CNTN6: variants seen among roughly 807,000 people sequenced by gnomAD.
The protein encoded by CNTN6 is contactin-6.
A neutral mutation model predicts 122.8 loss-of-function variants in CNTN6; 137 were observed. The ratio of observed to expected loss-of-function variants is 1.12; its 90% CI spans 0.97 to 1.29. CNTN6 has a LOEUF of 1.29. Ranked by LOEUF, CNTN6 falls within the 50% of genes most tolerant of loss-of-function variation. The pLI is 0.00. For synonymous variants in CNTN6, 570 were observed against 426.0 expected (o/e 1.34, Z -4.16); for missense variants, 1,634 against 1,223.4 (o/e 1.34, Z -5.01).
chr3:1,171,707 A>G (rs1265096619), intron 2 of CNTN6, among the ~76,000 whole-genome samples: 4 of 152,084 alleles, frequency 2.6e-5, no homozygotes, highest in Non-Finnish European at 5.9e-5. Flanking sequence ...CTTGTGCTCA[A>G]GTGAGCTTCC....
In CNTN6 at chr3:1,321,815, G is replaced by A. The variant is rs1223798503; in HGVS notation, c.927G>A (p.Lys309=). The change falls in exon 8 of 23, where the codon AAG becomes AAA. Residue 309 remains lysine (K), a synonymous_variant. Transcript: ENST00000446702. The part of the protein sequence containing the change: ...ASNLRGRNLA[K]GQLIFYAPPE... Reference sequence around the variant, plus strand: ...ACCTTCGAGGAAGAAACCTTGCAAAGGGTCAACTCATTTTTTATGGTGAGC... The same window carrying A: ...ACCTTCGAGGAAGAAACCTTGCAAAAGGTCAACTCATTTTTTATGGTGAGC... 1.9e-6 allele frequency: 3 copies of A among 1,604,130 alleles called. No individual in the cohort carries two copies. Among genetic ancestry groups the A allele is most frequent in the East Asian group, 4.5e-5 (2 of 44,480 alleles).
chr3:1,178,879 CT>C (rs1457428264), intron 2 of CNTN6, among the ~76,000 whole-genome samples: 3 of 152,136 alleles, frequency 2.0e-5, no homozygotes, highest in Non-Finnish European at 4.4e-5. Flanking sequence ...TCACTCCCAT[CT>C]TTAGGGTAAT....
At chr3:1,223,018 C>T (rs1244371907) in intron 3 of CNTN6, among the ~76,000 whole-genome samples, 2 of 152,262 alleles carry the variant, frequency 1.3e-5, no homozygotes, top group South Asian at 2.1e-4. Context: ...TTTCAGATAA[C>T]GTGCATTACC....
chr3:1,312,473 G>C (rs543511936), intron 7 of CNTN6, among the ~76,000 whole-genome samples: 5 of 151,896 alleles, frequency 3.3e-5, no homozygotes, highest in Non-Finnish European at 7.4e-5. Flanking sequence ...TTGGAACTGG[G>C]CTCAGGAAAA....
chr3:1,240,779 T>C (rs959903539), intron 4 of CNTN6, among the ~76,000 whole-genome samples: 3 of 152,028 alleles, frequency 2.0e-5, no homozygotes, highest in Admixed American at 6.6e-5. Context: ...ACAGACTTTG[T>C]GTGAGCAACA....
chr3:1,268,548 A>G (rs922987713), intron 4 of CNTN6, among the ~76,000 whole-genome samples: 7 of 144,064 alleles, frequency 4.9e-5, no homozygotes, highest in African/African-American at 1.1e-4. Flanking sequence ...AGGAGCTTGC[A>G]GTGAGCCGAG....
At chr3:1,156,893 T>A (rs930946858) in intron 2 of CNTN6, among the ~76,000 whole-genome samples, 2 of 152,082 alleles carry the variant, frequency 1.3e-5, no homozygotes, top group African/African-American at 2.4e-5. Context: ...AATTTTTTAT[T>A]TTTTGTAGAG....
At chr3:1,311,272 T>TAC (rs1699202146) in intron 7 of CNTN6, among the ~76,000 whole-genome samples, 2 of 146,596 alleles carry the variant, frequency 1.4e-5, no homozygotes, top group East Asian at 2.0e-4. Context: ...TGTGTATATA[T>TAC]ACATACATAT....
intron 4 of CNTN6, among the ~76,000 whole-genome samples, chr3:1,249,093 A>G (rs1281157990): frequency 6.6e-6 from 1 of 152,192 alleles, no homozygotes; most frequent in African/African-American, 2.4e-5. Flanking sequence ...CAGATATCAG[A>G]CGGTGGGTAG....
intron 4 of CNTN6, among the ~76,000 whole-genome samples, chr3:1,232,211 C>T (rs1290889046): frequency 6.6e-6 from 1 of 152,106 alleles, no homozygotes; most frequent in Non-Finnish European, 1.5e-5. Flanking sequence ...CTTTTTGATC[C>T]TACATTATTT....
At chr3:1,285,039 T>A (rs111509669) in intron 5 of CNTN6, among the ~76,000 whole-genome samples, 1 of 152,204 alleles carries the variant, frequency 6.6e-6, no homozygotes, top group Non-Finnish European at 1.5e-5. Flanking sequence ...TCTCTGACTT[T>A]CATTTGTAAA....
intron 1 of CNTN6, among the ~76,000 whole-genome samples, chr3:1,102,192 T>C (rs1333180100): frequency 5.9e-5 from 9 of 152,178 alleles, no homozygotes; most frequent in Non-Finnish European, 1.3e-4. Flanking sequence ...TCAAGGTTTA[T>C]TTGGTTTCCC....
At chr3:1,376,440 C>G (rs1420945439) in intron 16 of CNTN6, among the ~76,000 whole-genome samples, 6 of 151,998 alleles carry the variant, frequency 3.9e-5, no homozygotes, top group Non-Finnish European at 7.4e-5. Context: ...GGAGAAAAAC[C>G]TGACTTTGCA....
At chr3:1,100,420 C>T (rs542043122) in intron 1 of CNTN6, among the ~76,000 whole-genome samples, 4 of 152,140 alleles carry the variant, frequency 2.6e-5, no homozygotes, top group South Asian at 4.1e-4. Flanking sequence ...TCTTTTCACT[C>T]GGACAGATTT....
At chr3:1,119,284 A>G (rs2091855991) in intron 1 of CNTN6, among the ~76,000 whole-genome samples, 1 of 145,646 alleles carries the variant, frequency 6.9e-6, no homozygotes, top group Non-Finnish European at 1.5e-5. Context: ...TTAGAATATT[A>G]ATGTCTAGGA....
rs182319495 is a variant in CNTN6 at position 1,385,617 on chromosome 3, T to C, written c.2524T>C (p.Tyr842His). 45 of 1,612,752 alleles carry C rather than the reference T, an allele frequency of 2.8e-5. 1 individual carries two copies. In the Admixed American group the frequency reaches 5.9e-4, roughly 21 times the overall value. ...TTTGGTTTTTAATTATCAGGTCTTATACTGGACAGATGACTCCAAAGAATC... is the reference window on the plus strand; with the variant it reads ...TTTGGTTTTTAATTATCAGGTCTTACACTGGACAGATGACTCCAAAGAATC... ...TGRVLGYEVL[Y>H]WTDDSKESMI... The change falls in exon 20 of 23, where the codon TAC becomes CAC. Residue 842 changes from tyrosine to histidine, a missense_variant. By Grantham distance (83) the Tyr-to-His change is moderately conservative (BLOSUM62 2). Transcript: ENST00000446702.
At chr3:1,295,468 C>T in intron 5 of CNTN6, 133 bp from the exon 6 acceptor site, 1 of 648,990 alleles carries the variant, frequency 1.5e-6, no homozygotes, top group Non-Finnish European at 2.7e-6. Flanking sequence ...CAGATGACAG[C>T]TATCAACTGA....
chr3:1,239,211 TA>T (rs564700454), intron 4 of CNTN6, among the ~76,000 whole-genome samples: 5 of 152,060 alleles, frequency 3.3e-5, no homozygotes, highest in Non-Finnish European at 5.9e-5. Flanking sequence ...TCCAAATTGA[TA>T]AAAAAGAAGT....
At chr3:1,283,774 C>G (rs965890940) in intron 5 of CNTN6, among the ~76,000 whole-genome samples, 1 of 152,038 alleles carries the variant, frequency 6.6e-6, no homozygotes. Flanking sequence ...CCAAGGTGGG[C>G]AGATCACCTG....
Sources: gnomAD v4.1 joint callset for allele counts (sites outside exome capture counted in the v4.1 genomes callset) on GRCh38, gnomAD v4.1.1 for gene constraint, MANE v1.5 for transcripts, NCBI Gene and HGNC (gene_info 2026-07-23, HGNC 2026-07-21) for gene names.